Variants in PEAK1 observed in about 807,000 individuals in gnomAD.
PEAK1 encodes the protein inactive tyrosine-protein kinase PEAK1.
Under a neutral mutation model 124.7 loss-of-function variants are expected in PEAK1, and 54 were observed. The observed-to-expected ratio is 0.43, with a 90% CI of 0.35 to 0.54. PEAK1 has a LOEUF of 0.54. Among genes scored for constraint, PEAK1 ranks in the 20% least tolerant of loss-of-function variants. The pLI is 0.01. For synonymous variants in PEAK1, 719 were observed against 760.0 expected (o/e 0.95, Z 0.89); for missense variants, 2,046 against 2,134.5 (o/e 0.96, Z 0.82).
rs757516983 is a variant in PEAK1, at chr15:77,114,809, C to G, written c.4588G>C (p.Gly1530Arg). The change falls in exon 10 of 10, where the codon GGG (glycine) becomes CGG (arginine). Residue 1530 changes from glycine to arginine, a missense_variant. Coordinates refer to ENST00000682557, the MANE Select transcript of PEAK1 (RefSeq NM_001385026.1). ...ENLLLVHYQP[G>R]GTAQGFGPAE... ...GGCCCAAAGCCTTGGGCAGTCCCCC[C>G]AGGCTGGTAGTGGACAAGTAGCAGG... The G allele has an allele frequency of 2.5e-6, 4 of 1,613,298 alleles. No individual in the cohort carries two copies. Among genetic ancestry groups the G allele is most frequent in the Non-Finnish European group, 3.4e-6 (4 of 1,179,946 alleles).
At chr15:77,341,104 A>C (rs1436883604) in intron 2 of PEAK1, among the ~76,000 whole-genome samples, 1 of 152,116 alleles carries the variant, frequency 6.6e-6, no homozygotes, top group Non-Finnish European at 1.5e-5. Flanking sequence ...TAAAAAATAC[A>C]CATAGGACAA....
intron 7 of PEAK1, among the ~76,000 whole-genome samples, chr15:77,160,112 G>A (rs1195748597): frequency 1.3e-5 from 2 of 151,964 alleles, no homozygotes; most frequent in East Asian, 3.9e-4. Context: ...GGCTGCCCTC[G>A]GTCATCAACC....
chr15:77,374,751 TGGAA>T (rs1157553081), intron 1 of PEAK1, among the ~76,000 whole-genome samples: 1 of 152,058 alleles, frequency 6.6e-6, no homozygotes, highest in East Asian at 1.9e-4. Context: ...AAAATAAAGA[TGGAA>T]GGGATAAATA....
chr15:77,255,580 A>G (rs1341619962), intron 5 of PEAK1: 1 of 155,468 alleles, frequency 6.4e-6, no homozygotes, highest in Non-Finnish European at 1.4e-5. Context: ...ATGCAATAGC[A>G]GCACTCACCT....
chr15:77,152,975 C>T (rs1433764933), intron 8 of PEAK1, among the ~76,000 whole-genome samples: 2 of 152,136 alleles, frequency 1.3e-5, no homozygotes, highest in Admixed American at 1.3e-4. Context: ...CTCTGCCAGG[C>T]TTTGGTATCA....
intron 1 of PEAK1, among the ~76,000 whole-genome samples, chr15:77,384,650 A>G (rs1346163557): frequency 1.3e-5 from 2 of 152,170 alleles, no homozygotes; most frequent in African/African-American, 4.8e-5. Flanking sequence ...ATTTTTATAT[A>G]AACCTTATTG....
At chr15:77,155,555 G>A (rs1596382174) in intron 8 of PEAK1, 1 of 152,252 alleles carries the variant, frequency 6.6e-6, no homozygotes, top group African/African-American at 2.4e-5. Flanking sequence ...GAGGAGGAGA[G>A]TGCTCTGCTT....
chr15:77,241,850 T>G (rs928840549), intron 6 of PEAK1, among the ~76,000 whole-genome samples: 2 of 152,058 alleles, frequency 1.3e-5, no homozygotes, highest in African/African-American at 4.8e-5. Context: ...AATGGAGAGA[T>G]AGACTATGTT....
rs1047252503 is a variant in PEAK1, at chr15:77,266,019, G to A, written c.-274-13493C>T. Among the ~76,000 whole-genome samples, 5 of 151,824 alleles carry A rather than the reference G, an allele frequency of 3.3e-5. No individual in the cohort carries two copies. In the East Asian group the frequency reaches 5.8e-4, roughly 18 times the overall value. On this transcript the variant is annotated intron_variant, in intron 5 of 9. Transcript: ENST00000682557. ...ACTATCACAAGAAAAACCAAACACC[G>A]CATATTCTCACTCATAGGTGGGAAC...
At chr15:77,408,600 A>C (rs1436500068) in intron 1 of PEAK1, among the ~76,000 whole-genome samples, 1 of 152,100 alleles carries the variant, frequency 6.6e-6, no homozygotes, top group Non-Finnish European at 1.5e-5. Flanking sequence ...TGAAGTAGAG[A>C]ACTGGCATTA....
chr15:77,162,705 TTGCTTTGATTTTCTGAA>T (rs1567049374), intron 7 of PEAK1, among the ~76,000 whole-genome samples: 2 of 152,158 alleles, frequency 1.3e-5, no homozygotes, highest in Non-Finnish European at 2.9e-5. Flanking sequence ...TGTTTCTCTA[TTGCTTTGATTTTCTGAA>T]TGCTTTGATT....
Position 77,181,743 on chromosome 15 carries a change from G to A in PEAK1, c.184C>T (p.Arg62Trp), listed in dbSNP as rs374770430. 2 of 1,614,054 alleles carry A rather than the reference G, an allele frequency of 1.2e-6. No individual in the cohort carries two copies. The highest frequency in any genetic ancestry group is 1.7e-5 in the Admixed American group (1 of 60,014). The change falls in exon 7 of 10, where the codon CGG (arginine) becomes TGG (tryptophan). Residue 62 changes from arginine to tryptophan, a missense_variant. Transcript: ENST00000682557. ...NHRIRNTGNF[R>W]PPVAKKPTIA... The stretch of plus-strand genomic sequence containing the variant: ...GTGGGTTTTTTAGCCACAGGAGGCC[G>A]GAAATTGCCCGTGTTCCTGATGCGG...
intron 7 of PEAK1, among the ~76,000 whole-genome samples, chr15:77,162,985 C>CTT (rs2055794045): frequency 6.6e-6 from 1 of 152,042 alleles, no homozygotes; most frequent in Non-Finnish European, 1.5e-5. Flanking sequence ...TGACAAATGG[C>CTT]CCACTAAGAG....
At chr15:77,246,013 C>T (rs2060566267) in intron 6 of PEAK1, among the ~76,000 whole-genome samples, 1 of 141,250 alleles carries the variant, frequency 7.1e-6, no homozygotes, top group Non-Finnish European at 1.6e-5. Context: ...ACCTGCTAGA[C>T]TTTTTTTTTT....
intron 4 of PEAK1, among the ~76,000 whole-genome samples, chr15:77,284,385 T>C (rs539501051): frequency 5.7e-4 from 87 of 152,320 alleles, no homozygotes; most frequent in African/African-American, 1.5e-3. Context: ...AAGGGACTTA[T>C]GGAACAATGA....
At chr15:77,219,547 C>T (rs181682614) in intron 6 of PEAK1, among the ~76,000 whole-genome samples, 7 of 152,102 alleles carry the variant, frequency 4.6e-5, no homozygotes, top group Middle Eastern at 3.4e-3. Context: ...TATATAGGTG[C>T]TAAATTAAAA....
chr15:77,214,752 C>A (rs2059070672), intron 6 of PEAK1, among the ~76,000 whole-genome samples: 1 of 152,112 alleles, frequency 6.6e-6, no homozygotes, highest in East Asian at 1.9e-4. Context: ...GAAGAAAGCA[C>A]ATATTCATAT....
chr15:77,377,751 T>A (rs1013299424), intron 1 of PEAK1, among the ~76,000 whole-genome samples: 2 of 152,186 alleles, frequency 1.3e-5, no homozygotes, highest in African/African-American at 4.8e-5. Context: ...ATTACAGGCG[T>A]GAGCCACCAT....
At chr15:77,396,331 A>T (rs747933800) in intron 1 of PEAK1, among the ~76,000 whole-genome samples, 17 of 152,108 alleles carry the variant, frequency 1.1e-4, no homozygotes, top group Non-Finnish European at 2.2e-4. Context: ...CACTAAAAGG[A>T]AGACAGAAAG....
Sources: allele counts gnomAD v4.1 joint callset (sites outside exome capture counted in the v4.1 genomes callset), GRCh38; gene constraint gnomAD v4.1.1; transcripts MANE v1.5; gene names NCBI Gene and HGNC (gene_info 2026-07-23, HGNC 2026-07-21).